Variants in P2RY14 observed in about 807,000 individuals in gnomAD.
P2RY14 encodes P2Y purinoceptor 14.
A neutral mutation model predicts 0.9 loss-of-function variants in P2RY14; 2 were observed. The ratio of observed to expected loss-of-function variants is 2.16; its 90% CI spans 0.88 to 6.79. P2RY14 has a LOEUF of 6.79. Among genes scored for constraint, P2RY14 ranks in the 30% most tolerant of loss-of-function variants. P2RY14 has a pLI of 0.05. For missense variants in P2RY14, 378 were observed against 400.1 expected, an observed-to-expected ratio of 0.94 and a Z score of 0.47; for synonymous variants, 158 against 147.2, an observed-to-expected ratio of 1.07 and a Z score of -0.53.
chr3:151,255,901 G>A (rs904170689), intron 1 of P2RY14, among the ~76,000 whole-genome samples: 1 of 152,160 alleles, frequency 6.6e-6, no homozygotes, highest in Non-Finnish European at 1.5e-5. Flanking sequence ...AAAGAGTCTA[G>A]TACTACCTGC....
At chr3:151,277,735 A>G (rs1469234779) in intron 1 of P2RY14, among the ~76,000 whole-genome samples, 2 of 152,254 alleles carry the variant, frequency 1.3e-5, no homozygotes. Flanking sequence ...TAGGACAGAT[A>G]TTTCTGTGAT....
intron 1 of P2RY14, among the ~76,000 whole-genome samples, chr3:151,268,533 AT>A (rs1740268089): frequency 6.6e-6 from 1 of 152,122 alleles, no homozygotes; most frequent in African/African-American, 2.4e-5. Flanking sequence ...AGGTTTCTCC[AT>A]TTTGTCTAAT....
At chr3:151,228,401 C>T (rs185868305) in intron 1 of P2RY14, among the ~76,000 whole-genome samples, 20 of 152,194 alleles carry the variant, frequency 1.3e-4, no homozygotes, top group Admixed American at 6.5e-4. Context: ...GAACATTGCG[C>T]GTACAGGGAG....
At chr3:151,237,833 TC>T (rs1208050257) in intron 1 of P2RY14, among the ~76,000 whole-genome samples, 1 of 152,230 alleles carries the variant, frequency 6.6e-6, no homozygotes, top group African/African-American at 2.4e-5. Flanking sequence ...GGGCATCTCT[TC>T]ATATGATCAC....
In P2RY14 at chr3:151,213,462, A is replaced by C; in HGVS notation, c.855T>G (p.Ala285=). The change falls in exon 3 of 3, where the codon GCT becomes GCG. Residue 285 remains alanine (A), a synonymous_variant. Coordinates refer to ENST00000309170, the MANE Select transcript of P2RY14 (RefSeq NM_014879.4). ...YMKEFTLLLS[A]ANVCLDPIIY... ...TAATAGGGTCCAAGCATACATTTGC[A>C]GCAGATAGTAGCAGAGTGAATTCTT... 1 of 1,614,184 alleles carries C rather than the reference A, an allele frequency of 6.2e-7. No homozygotes were observed. Among genetic ancestry groups the C allele is most frequent in the African/African-American group, 1.3e-5 (1 of 75,056 alleles).
intron 1 of P2RY14, among the ~76,000 whole-genome samples, chr3:151,242,180 A>G (rs1474503328): frequency 6.6e-5 from 10 of 152,156 alleles, no homozygotes; most frequent in Non-Finnish European, 1.5e-4. Context: ...ACTGCAAGGC[A>G]GCAACACGGC....
chr3:151,257,377 T>C (rs941052866), intron 1 of P2RY14, among the ~76,000 whole-genome samples: 9 of 152,252 alleles, frequency 5.9e-5, no homozygotes, highest in African/African-American at 2.2e-4. Flanking sequence ...TGAGAAACAA[T>C]ATATCTGAAT....
chr3:151,242,202 C>G (rs534830096), intron 1 of P2RY14, among the ~76,000 whole-genome samples: 2 of 152,206 alleles, frequency 1.3e-5, no homozygotes, highest in South Asian at 4.1e-4. Context: ...GGGGGAGGGG[C>G]GCCCGCCATT....
intron 1 of P2RY14, among the ~76,000 whole-genome samples, chr3:151,257,426 A>G (rs1738030269): frequency 2.0e-5 from 3 of 152,244 alleles, no homozygotes; most frequent in Admixed American, 2.0e-4. Context: ...TGCCTTAGTT[A>G]GAATACCGGC....
At chr3:151,275,806 G>T (rs1457752074) in intron 1 of P2RY14, among the ~76,000 whole-genome samples, 1 of 152,114 alleles carries the variant, frequency 6.6e-6, no homozygotes, top group Non-Finnish European at 1.5e-5. Flanking sequence ...TTGGTTGTAG[G>T]TATTTTTTCT....
intron 1 of P2RY14, among the ~76,000 whole-genome samples, chr3:151,226,309 C>T (rs371759880): frequency 1.3e-5 from 2 of 152,158 alleles, no homozygotes; most frequent in African/African-American, 4.8e-5. Context: ...AAGACTGACA[C>T]GAGAGGCTGT....
chr3:151,271,615 C>T (rs1740962213), intron 1 of P2RY14, among the ~76,000 whole-genome samples: 1 of 152,174 alleles, frequency 6.6e-6, no homozygotes, highest in South Asian at 2.1e-4. Flanking sequence ...TGCTCATCAA[C>T]AGATTAAAAT....
At chr3:151,228,627 A>C (rs533849907) in intron 1 of P2RY14, among the ~76,000 whole-genome samples, 3 of 152,320 alleles carry the variant, frequency 2.0e-5, no homozygotes, top group African/African-American at 7.2e-5. Context: ...TGATCCCTCT[A>C]TTCTAGTCAC....
At chr3:151,277,284 G>A (rs778420964) in intron 1 of P2RY14, among the ~76,000 whole-genome samples, 1 of 151,634 alleles carries the variant, frequency 6.6e-6, no homozygotes, top group Non-Finnish European at 1.5e-5. Flanking sequence ...GCACACAATT[G>A]TATGCATGTT....
At chr3:151,266,605 T>C (rs1739879721) in intron 1 of P2RY14, among the ~76,000 whole-genome samples, 1 of 152,206 alleles carries the variant, frequency 6.6e-6, no homozygotes, top group Admixed American at 6.5e-5. Context: ...TGAACATTCT[T>C]TCCTATTCTA....
chr3:151,239,483 C>G (rs988932403), intron 1 of P2RY14, among the ~76,000 whole-genome samples: 1 of 152,060 alleles, frequency 6.6e-6, no homozygotes, highest in Non-Finnish European at 1.5e-5. Flanking sequence ...CTTCTCTAGG[C>G]CAGATGTTAA....
chr3:151,258,504 A>G (rs1738249227), intron 1 of P2RY14, among the ~76,000 whole-genome samples: 1 of 152,116 alleles, frequency 6.6e-6, no homozygotes, highest in Admixed American at 6.5e-5. Flanking sequence ...AACAATGAGA[A>G]TTTTCACATT....
At chr3:151,245,872 C>A (rs965605486) in intron 1 of P2RY14, among the ~76,000 whole-genome samples, 94 of 151,724 alleles carry the variant, frequency 6.2e-4, no homozygotes, top group Middle Eastern at 3.4e-3. Context: ...TAGAAAACCC[C>A]ATCGTTTCAG....
At chr3:151,225,809 G>A (rs1232048720) in intron 1 of P2RY14, among the ~76,000 whole-genome samples, 1 of 152,112 alleles carries the variant, frequency 6.6e-6, no homozygotes, top group Non-Finnish European at 1.5e-5. Flanking sequence ...CTTCTCAGAA[G>A]CTGTCAGGGA....
Sources: gnomAD v4.1 joint callset for allele counts (sites outside exome capture counted in the v4.1 genomes callset) on GRCh38, gnomAD v4.1.1 for gene constraint, MANE v1.5 for transcripts, NCBI Gene and HGNC (gene_info 2026-07-23, HGNC 2026-07-21) for gene names.